The following R3HCC1L variants were observed in gnomAD, a reference collection of about 807,000 sequenced individuals.
R3HCC1L encodes the protein R3H domain and coiled-coil containing 1 like.
Under a neutral mutation model 59.9 loss-of-function variants are expected in R3HCC1L, and 51 were observed. That is an observed-to-expected ratio of 0.85 (90% CI 0.68 to 1.07). The LOEUF (loss-of-function observed/expected upper bound fraction) is 1.07. R3HCC1L is among the 50% of genes least tolerant of loss of function. The pLI is 0.00. For missense variants in R3HCC1L, 965 were observed against 933.0 expected (o/e 1.03, Z -0.45); for synonymous variants, 322 against 315.2 (o/e 1.02, Z -0.23).
Position 98,227,525 on chromosome 10 carries a change from G to A in R3HCC1L, c.1786-3987G>A, listed in dbSNP as rs567846429. On this transcript the variant is annotated intron_variant, in intron 5 of 9. Transcript: ENST00000298999. The stretch of plus-strand genomic sequence containing the variant: ...TTTGATTAACAGAGAGAGAGAGAGA[G>A]AGAAAAATATTATCTAAGGATCTGG... Among the ~76,000 whole-genome samples the A allele has an allele frequency of 2.3e-3, 342 of 149,284 alleles. 1 individual carries two copies. The highest frequency in any genetic ancestry group is 5.7e-3 in the South Asian group (27 of 4,758).
intron 4 of R3HCC1L, among the ~76,000 whole-genome samples, chr10:98,183,958 G>GTTTTTTTTTTTT (rs71007380): frequency 1.1e-4 from 14 of 126,560 alleles, no homozygotes; most frequent in Non-Finnish European, 1.3e-4. Flanking sequence ...TCCTTTTTCG[G>GTTTTTTTTTTTT]TTTTTTTTTT....
chr10:98,238,747 A>G (rs1857225191), intron 9 of R3HCC1L, among the ~76,000 whole-genome samples: 2 of 152,336 alleles, frequency 1.3e-5, no homozygotes, highest in African/African-American at 4.8e-5. Context: ...CTCCCAGAAA[A>G]AAAAACTTAC....
At chr10:98,176,031 C>T (rs531598081) in intron 4 of R3HCC1L, among the ~76,000 whole-genome samples, 2 of 152,180 alleles carry the variant, frequency 1.3e-5, no homozygotes, top group Admixed American at 6.5e-5. Context: ...TTTGGAAAGA[C>T]TCTCTTTTTT....
intron 4 of R3HCC1L, among the ~76,000 whole-genome samples, chr10:98,184,599 T>C (rs1055057737): frequency 1.3e-5 from 2 of 152,224 alleles, no homozygotes; most frequent in East Asian, 1.9e-4. Flanking sequence ...ACCATATTCC[T>C]GTCATTACGT....
At chr10:98,161,910 C>T (rs1055985928) in intron 2 of R3HCC1L, among the ~76,000 whole-genome samples, 2 of 152,084 alleles carry the variant, frequency 1.3e-5, no homozygotes, top group Non-Finnish European at 2.9e-5. Context: ...AATGAAAAAG[C>T]TTGCAGGTGT....
intron 4 of R3HCC1L, among the ~76,000 whole-genome samples, chr10:98,202,435 T>G (rs2135130913): frequency 6.6e-6 from 1 of 152,270 alleles, no homozygotes; most frequent in South Asian, 2.1e-4. Context: ...GGAAATCATG[T>G]GCCTCAAGAT....
chr10:98,217,110 G>C (rs1191986756), intron 5 of R3HCC1L, among the ~76,000 whole-genome samples: 2 of 152,124 alleles, frequency 1.3e-5, no homozygotes, highest in African/African-American at 4.8e-5. Context: ...CTAGAATAAG[G>C]TATTAGTTTG....
intron 4 of R3HCC1L, among the ~76,000 whole-genome samples, chr10:98,163,944 T>C (rs1847689951): frequency 6.6e-6 from 1 of 152,232 alleles, no homozygotes. Context: ...AAAAAAATTT[T>C]TTTTTCAAGG....
chr10:98,226,752 C>T (rs1280354061), intron 5 of R3HCC1L, among the ~76,000 whole-genome samples: 2 of 152,236 alleles, frequency 1.3e-5, no homozygotes, highest in Non-Finnish European at 1.5e-5. Context: ...TGTCCCTGGC[C>T]TCTGAGTTAT....
At chr10:98,145,528 A>G (rs1845565983) in intron 1 of R3HCC1L, among the ~76,000 whole-genome samples, 2 of 152,246 alleles carry the variant, frequency 1.3e-5, no homozygotes, top group African/African-American at 4.8e-5. Flanking sequence ...TGCTTTAAAA[A>G]TTGATTAATC....
chr10:98,172,202 C>G lies in R3HCC1L; in HGVS notation c.-15+8805C>G, dbSNP rs186172450. Among the ~76,000 whole-genome samples, 121 of 152,226 alleles carry G rather than the reference C, an allele frequency of 7.9e-4. 1 individual carries two copies. The highest frequency in any genetic ancestry group is 4.8e-3 in the Admixed American group (74 of 15,290). ...ACACTCCACGGGATATACACGTATT[C>G]ACAGATCCGCTCACTACTGCTGCAG... On this transcript the variant is annotated intron_variant, in intron 4 of 9. Coordinates refer to ENST00000298999, the MANE Select transcript of R3HCC1L (RefSeq NM_001351015.2).
At chr10:98,136,673 T>C (rs1416206855) in intron 1 of R3HCC1L, among the ~76,000 whole-genome samples, 1 of 151,892 alleles carries the variant, frequency 6.6e-6, no homozygotes, top group African/African-American at 2.4e-5. Flanking sequence ...CCATCTCTAT[T>C]AAAAGTACAA....
intron 1 of R3HCC1L, among the ~76,000 whole-genome samples, chr10:98,150,580 C>T (rs1039673177): frequency 3.3e-5 from 5 of 152,030 alleles, no homozygotes; most frequent in Non-Finnish European, 5.9e-5. Context: ...ACCTTAAGCC[C>T]AGGTTTGCCT....
intron 1 of R3HCC1L, among the ~76,000 whole-genome samples, chr10:98,150,331 C>T (rs1331027126): frequency 6.6e-6 from 1 of 152,022 alleles, no homozygotes; most frequent in African/African-American, 2.4e-5. Flanking sequence ...GGCCTTGGCT[C>T]CCTGTTTGCT....
intron 4 of R3HCC1L, among the ~76,000 whole-genome samples, chr10:98,187,457 AC>A (rs1850332470): frequency 6.6e-6 from 1 of 152,088 alleles, no homozygotes. Flanking sequence ...GATTATGTTT[AC>A]ATATTTCCCA....
rs61875307 is a variant in R3HCC1L at position 98,236,016 on chromosome 10, C to T, written c.2129-8C>T. On this transcript the variant is annotated splice_region_variant and splice_polypyrimidine_tract_variant and intron_variant, in intron 8 of 9. Coordinates refer to ENST00000298999, the MANE Select transcript of R3HCC1L (RefSeq NM_001351015.2). Reference sequence around the variant, plus strand: ...CTCCTTCCTACTCCCTTCCTTTCTTCGATTCAGAGTTCCTCCAGCCAGCAA... The same window carrying T: ...CTCCTTCCTACTCCCTTCCTTTCTTTGATTCAGAGTTCCTCCAGCCAGCAA... The T allele has an allele frequency of 0.19, 307,277 of 1,610,550 alleles. 31,145 individuals carry two copies. Among genetic ancestry groups the T allele is most frequent in the Non-Finnish European group, 0.2 (240,989 of 1,177,662 alleles).
chr10:98,152,223 G>A (rs1459719669), intron 1 of R3HCC1L, among the ~76,000 whole-genome samples: 3 of 152,224 alleles, frequency 2.0e-5, no homozygotes, highest in Non-Finnish European at 2.9e-5. Flanking sequence ...CCGAGGTGCC[G>A]GGATTGCAGA....
chr10:98,163,488 AT>A (rs890364237), intron 4 of R3HCC1L, 91 bp downstream of exon 4: 7 of 857,476 alleles, frequency 8.2e-6, no homozygotes, highest in Non-Finnish European at 1.0e-5. Context: ...TTCAGTTATC[AT>A]TTTATTTTGT....
intron 4 of R3HCC1L, among the ~76,000 whole-genome samples, chr10:98,165,484 C>T (rs1847851024): frequency 6.6e-6 from 1 of 152,108 alleles, no homozygotes; most frequent in African/African-American, 2.4e-5. Flanking sequence ...ATGGCTAGGC[C>T]TTTATCTCAG....
Sources: gnomAD v4.1 joint callset for allele counts (sites outside exome capture counted in the v4.1 genomes callset) on GRCh38, gnomAD v4.1.1 for gene constraint, MANE v1.5 for transcripts, NCBI Gene and HGNC (gene_info 2026-07-23, HGNC 2026-07-21) for gene names.